Variants in GARIN2 observed in about 807,000 individuals in gnomAD.
GARIN2 encodes Golgi-associated RAB2 interactor protein 2.
At chr14:67,202,213 G>A in the GARIN2 span, among the ~76,000 whole-genome samples, 1 of 152,168 alleles carries the variant, frequency 6.6e-6, no homozygotes, top group Admixed American at 6.5e-5. Context: ...GGCTAAAGTG[G>A]GTGGATCACC....
the GARIN2 span, among the ~76,000 whole-genome samples, chr14:67,195,321 C>CTG: frequency 6.6e-6 from 1 of 152,168 alleles, no homozygotes; most frequent in African/African-American, 2.4e-5. Context: ...TCCTCCCTCT[C>CTG]TGTGTCCTGA....
chr14:67,215,904 C>T, the GARIN2 span, among the ~76,000 whole-genome samples: 1 of 152,180 alleles, frequency 6.6e-6, no homozygotes, highest in Admixed American at 6.6e-5. Flanking sequence ...ATCATTTCAG[C>T]TACTTCTTTC....
chr14:67,200,873 A>G, the GARIN2 span, among the ~76,000 whole-genome samples: 340 of 152,334 alleles, frequency 2.2e-3, 1 homozygote, highest in African/African-American at 7.9e-3. Context: ...TTAGCAGTCT[A>G]TAGGTCAGAC....
At chr14:67,214,240 C>T in the GARIN2 span, among the ~76,000 whole-genome samples, 948 of 152,270 alleles carry the variant, frequency 6.2e-3, 8 homozygotes, top group African/African-American at 0.022. Context: ...AGTCCTTGCC[C>T]ATGCCTATGT....
the GARIN2 span, chr14:67,227,378 T>G: frequency 6.7e-6 from 1 of 149,334 alleles, no homozygotes; most frequent in Non-Finnish European, 1.5e-5. Flanking sequence ...AGGCGGAGGT[T>G]GCACTGAGCC....
At chr14:67,225,121 T>C in the GARIN2 span, 2 of 1,576,298 alleles carry the variant, frequency 1.3e-6, no homozygotes, top group Non-Finnish European at 1.7e-6. Flanking sequence ...CCTCTAGTTC[T>C]CTCCCCTCAT....
chr14:67,224,259 C>CT, the GARIN2 span, among the ~76,000 whole-genome samples: 827 of 134,784 alleles, frequency 6.1e-3, 5 homozygotes, highest in African/African-American at 7.6e-3. Context: ...TCTCTCTTTT[C>CT]TTTTTTTTTT....
the GARIN2 span, among the ~76,000 whole-genome samples, chr14:67,206,005 G>A: frequency 7.9e-5 from 12 of 152,070 alleles, no homozygotes; most frequent in South Asian, 6.2e-4. Flanking sequence ...GAAACATGGC[G>A]AAACCCCATC....
chr14:67,204,824 C>G, the GARIN2 span: 27 of 1,613,838 alleles, frequency 1.7e-5, no homozygotes, highest in East Asian at 1.6e-4. Flanking sequence ...GCCATCCTGA[C>G]CCCGTACATG....
the GARIN2 span, among the ~76,000 whole-genome samples, chr14:67,205,364 G>A: frequency 6.6e-6 from 1 of 152,164 alleles, no homozygotes; most frequent in Non-Finnish European, 1.5e-5. Context: ...AACCAAGTTA[G>A]ACTCTCAACC....
At chr14:67,208,247 A>C in the GARIN2 span, 4 of 1,614,058 alleles carry the variant, frequency 2.5e-6, no homozygotes, top group Non-Finnish European at 3.4e-6. Flanking sequence ...ACAAGATACA[A>C]AAAGTAAGAG....
the GARIN2 span, among the ~76,000 whole-genome samples, chr14:67,216,008 T>C: frequency 6.6e-6 from 1 of 152,150 alleles, no homozygotes. Flanking sequence ...ATTTTTTGCG[T>C]GCAGTTTTAG....
chr14:67,208,513 G>C, the GARIN2 span: 1 of 1,519,204 alleles, frequency 6.6e-7, no homozygotes, highest in Non-Finnish European at 8.9e-7. Context: ...AGAAATATGT[G>C]CTTTAGTCTC....
chr14:67,225,962 TGC>T, the GARIN2 span, among the ~76,000 whole-genome samples: 1,683 of 113,506 alleles, frequency 0.015, 48 homozygotes, highest in East Asian at 0.16. Context: ...TGTGTGTGTG[TGC>T]GCGCGCGCGC....
the GARIN2 span, among the ~76,000 whole-genome samples, chr14:67,192,900 CTA>C: frequency 2.2e-5 from 3 of 138,386 alleles, no homozygotes; most frequent in Non-Finnish European, 4.7e-5. Context: ...ATATCGATAT[CTA>C]GATATATATA....
chr14:67,199,674 A>C, the GARIN2 span: 124 of 1,581,042 alleles, frequency 7.8e-5, no homozygotes, highest in East Asian at 1.1e-4. Context: ...TCCCAGCCTG[A>C]CCGCCCTCAT....
At chr14:67,192,945 T>C in the GARIN2 span, among the ~76,000 whole-genome samples, 1 of 146,764 alleles carries the variant, frequency 6.8e-6, no homozygotes, top group African/African-American at 2.5e-5. Context: ...TCTAGATAAA[T>C]ATCTCTATAT....
the GARIN2 span, among the ~76,000 whole-genome samples, chr14:67,218,029 G>A: frequency 6.6e-6 from 1 of 151,996 alleles, no homozygotes; most frequent in Non-Finnish European, 1.5e-5. Flanking sequence ...TAGTCTCCAT[G>A]TAGTTTCTTT....
chr14:67,206,082 G>A, the GARIN2 span, among the ~76,000 whole-genome samples: 1 of 152,200 alleles, frequency 6.6e-6, no homozygotes, highest in Non-Finnish European at 1.5e-5. Context: ...TACTAGGGAG[G>A]CTGAGGTGGG....
Sources: allele counts gnomAD v4.1 joint callset (sites outside exome capture counted in the v4.1 genomes callset), GRCh38; gene constraint gnomAD v4.1.1; transcripts MANE v1.5; gene names NCBI Gene and HGNC (gene_info 2026-07-23, HGNC 2026-07-21).